The following PDE4D variants were observed in gnomAD, a reference collection of about 807,000 sequenced individuals.
PDE4D encodes the protein phosphodiesterase 4D, also known as 3',5'-cyclic-AMP phosphodiesterase 4D.
A neutral mutation model predicts 87.4 loss-of-function variants in PDE4D; 24 were observed. The ratio of observed to expected loss-of-function variants is 0.27; its 90% CI spans 0.20 to 0.39. The LOEUF is 0.39. PDE4D is among the 10% of genes least tolerant of loss of function. PDE4D has a pLI of 1.00. For missense variants in PDE4D, 714 were observed against 1,041.0 expected, an observed-to-expected ratio of 0.69 and a Z score of 4.32; for synonymous variants, 384 against 383.2, an observed-to-expected ratio of 1.00 and a Z score of -0.02.
At chr5:60,403,861 T>C (rs1478113151) in intron 1 of PDE4D, among the ~76,000 whole-genome samples, 1 of 152,248 alleles carries the variant, frequency 6.6e-6, no homozygotes, top group African/African-American at 2.4e-5. Flanking sequence ...AGCACAATGC[T>C]TGGCATATAG....
chr5:59,503,768 A>G (rs1180900666), intron 1 of PDE4D, among the ~76,000 whole-genome samples: 1 of 152,156 alleles, frequency 6.6e-6, no homozygotes, highest in Non-Finnish European at 1.5e-5. Context: ...AAGGTGGTTT[A>G]CTTTCTTGAT....
intron 3 of PDE4D, chr5:59,986,620 A>G (rs1396781908): frequency 6.6e-6 from 1 of 152,224 alleles, no homozygotes; most frequent in Admixed American, 6.5e-5. Context: ...TAAACAGTTA[A>G]TCAGGACTGT....
At chr5:60,003,934 T>C (rs1283585422) in intron 2 of PDE4D, among the ~76,000 whole-genome samples, 2 of 152,120 alleles carry the variant, frequency 1.3e-5, no homozygotes, top group African/African-American at 2.4e-5. Context: ...GGGGAAATAA[T>C]AGTCTCTTCA....
At chr5:59,247,923 A>T (rs1158174508) in intron 1 of PDE4D, among the ~76,000 whole-genome samples, 2 of 151,192 alleles carry the variant, frequency 1.3e-5, no homozygotes, top group African/African-American at 4.9e-5. Context: ...CTTCCAACAT[A>T]GGCTTAAGAT....
At chr5:59,025,304 GA>G (rs985729037) in intron 6 of PDE4D, among the ~76,000 whole-genome samples, 1 of 151,764 alleles carries the variant, frequency 6.6e-6, no homozygotes, top group African/African-American at 2.4e-5. Flanking sequence ...CCTAAAGATT[GA>G]AAAAAACACT....
At chr5:59,296,230 A>G (rs1484729719) in intron 1 of PDE4D, among the ~76,000 whole-genome samples, 1 of 152,016 alleles carries the variant, frequency 6.6e-6, no homozygotes, top group African/African-American at 2.4e-5. Context: ...CAGTAGGGTA[A>G]TATTTACTTT....
chr5:59,762,435 T>C (rs1371292290), intron 1 of PDE4D, among the ~76,000 whole-genome samples: 2 of 135,768 alleles, frequency 1.5e-5, no homozygotes, highest in African/African-American at 5.9e-5. Context: ...TGTGTATATG[T>C]GTATATGGGT....
intron 3 of PDE4D, among the ~76,000 whole-genome samples, chr5:59,931,694 CTTTTT>C (rs35943138): frequency 7.9e-6 from 1 of 126,596 alleles, no homozygotes; most frequent in African/African-American, 2.9e-5. Flanking sequence ...TCTTCTTCTT[CTTTTT>C]TTTTTTTTTT....
chr5:60,163,408 G>C (rs1458860365), intron 2 of PDE4D, among the ~76,000 whole-genome samples: 1 of 152,034 alleles, frequency 6.6e-6, no homozygotes, highest in African/African-American at 2.4e-5. Flanking sequence ...CTTCCTCTGA[G>C]CAACTTGGTT....
chr5:60,062,500 A>G (rs555716501), intron 2 of PDE4D, among the ~76,000 whole-genome samples: 61 of 152,310 alleles, frequency 4.0e-4, no homozygotes, highest in African/African-American at 1.4e-3. Flanking sequence ...TGTGGAAGAC[A>G]GTGTGGCAAC....
At chr5:60,311,056 T>G (rs1256965695) in intron 1 of PDE4D, among the ~76,000 whole-genome samples, 1 of 151,992 alleles carries the variant, frequency 6.6e-6, no homozygotes, top group Admixed American at 6.6e-5. Flanking sequence ...TTGCTCTTGT[T>G]GCCCAGGCTG....
chr5:60,043,484 C>G (rs1254794818), intron 2 of PDE4D, among the ~76,000 whole-genome samples: 1 of 152,068 alleles, frequency 6.6e-6, no homozygotes, highest in Non-Finnish European at 1.5e-5. Flanking sequence ...AACCCCAAGA[C>G]ACATAATCAT....
At chr5:59,623,691 C>G (rs1830583277) in intron 1 of PDE4D, among the ~76,000 whole-genome samples, 1 of 152,158 alleles carries the variant, frequency 6.6e-6, no homozygotes, top group African/African-American at 2.4e-5. Context: ...TCTGTACCTT[C>G]TAGACTGTTG....
intron 5 of PDE4D, among the ~76,000 whole-genome samples, chr5:59,122,418 G>T (rs1219364301): frequency 1.3e-5 from 2 of 152,060 alleles, no homozygotes; most frequent in African/African-American, 4.8e-5. Flanking sequence ...TGGGAGGGGA[G>T]GGGATGAAGA....
At chr5:59,498,627 C>G (rs1807669469) in intron 1 of PDE4D, among the ~76,000 whole-genome samples, 2 of 151,738 alleles carry the variant, frequency 1.3e-5, no homozygotes, top group South Asian at 4.2e-4. Context: ...ACAAGGATCA[C>G]TATTCTAATA....
At chr5:59,343,873 A>C (rs1213566780) in intron 1 of PDE4D, among the ~76,000 whole-genome samples, 1 of 152,198 alleles carries the variant, frequency 6.6e-6, no homozygotes, top group East Asian at 1.9e-4. Flanking sequence ...CCAAGACAAA[A>C]GTGGAAATCT....
chr5:58,999,049 T>G (rs940877715), intron 6 of PDE4D, among the ~76,000 whole-genome samples: 18 of 152,192 alleles, frequency 1.2e-4, no homozygotes, highest in African/African-American at 4.1e-4. Context: ...TAGGGCTTTA[T>G]AGCTAAAGGT....
intron 1 of PDE4D, among the ~76,000 whole-genome samples, chr5:60,316,770 G>C (rs1051716932): frequency 6.6e-6 from 1 of 152,162 alleles, no homozygotes; most frequent in African/African-American, 2.4e-5. Context: ...CATTGGTTCT[G>C]TTTATATGCT....
At chr5:60,276,181 T>C (rs1396225001) in intron 1 of PDE4D, among the ~76,000 whole-genome samples, 1 of 152,214 alleles carries the variant, frequency 6.6e-6, no homozygotes, top group Non-Finnish European at 1.5e-5. Flanking sequence ...ATATCCTGGA[T>C]GACTTATAGC....
Sources: gnomAD v4.1 joint callset for allele counts (sites outside exome capture counted in the v4.1 genomes callset) on GRCh38, gnomAD v4.1.1 for gene constraint, MANE v1.5 for transcripts, NCBI Gene and HGNC (gene_info 2026-07-23, HGNC 2026-07-21) for gene names.